The following SH3GL2 variants were observed in gnomAD, a reference collection of about 807,000 sequenced individuals.
The protein encoded by SH3GL2 is endophilin-A1.
In SH3GL2, 24 loss-of-function variants were observed where a neutral mutation model predicts 46.0. The observed-to-expected ratio is 0.52, with a 90% CI of 0.38 to 0.73. The LOEUF is 0.73. SH3GL2 is among the 30% of genes least tolerant of loss of function. The probability of loss-of-function intolerance (pLI) is 0.00; values close to 1 mark genes in which losing one functional copy is unlikely to be tolerated. For missense variants in SH3GL2, 413 were observed against 424.2 expected (o/e 0.97, Z 0.23); for synonymous variants, 196 against 147.1 (o/e 1.33, Z -2.40).
chr9:17,596,125 C>A (rs185625385), intron 1 of SH3GL2, among the ~76,000 whole-genome samples: 85 of 152,256 alleles, frequency 5.6e-4, no homozygotes, highest in Non-Finnish European at 3.5e-4. Flanking sequence ...TAGCCAAGTT[C>A]TAGAACTATA....
chr9:17,723,303 A>G (rs1821941601), intron 1 of SH3GL2, among the ~76,000 whole-genome samples: 1 of 152,164 alleles, frequency 6.6e-6, no homozygotes, highest in South Asian at 2.1e-4. Context: ...ATTTTCAGTT[A>G]AAAAATTAGA....
intron 1 of SH3GL2, among the ~76,000 whole-genome samples, chr9:17,607,518 A>G (rs1047523224): frequency 2.0e-5 from 3 of 152,184 alleles, no homozygotes; most frequent in African/African-American, 7.2e-5. Flanking sequence ...TTCAGGTCTT[A>G]TAATCTTACA....
At chr9:17,748,221 A>T (rs1822749190) in intron 2 of SH3GL2, among the ~76,000 whole-genome samples, 1 of 152,144 alleles carries the variant, frequency 6.6e-6, no homozygotes, top group South Asian at 2.1e-4. Context: ...TTATGATTAA[A>T]AGTGTGTGTT....
intron 1 of SH3GL2, among the ~76,000 whole-genome samples, chr9:17,614,462 G>A (rs1818941727): frequency 1.3e-5 from 2 of 151,974 alleles, no homozygotes; most frequent in South Asian, 4.2e-4. Context: ...CTGTGGACTG[G>A]CCCACTAAAG....
At chr9:17,748,990 C>G (rs113154103) in intron 2 of SH3GL2, among the ~76,000 whole-genome samples, 6 of 152,136 alleles carry the variant, frequency 3.9e-5, no homozygotes, top group African/African-American at 1.2e-4. Flanking sequence ...TAGTATTGAT[C>G]CAGCTGGTCA....
intron 8 of SH3GL2, 103 bp downstream of exon 8, chr9:17,793,600 T>A (rs1181690451): frequency 1.8e-6 from 2 of 1,091,116 alleles, no homozygotes; most frequent in Non-Finnish European, 2.7e-6. Flanking sequence ...ATAGGAAATA[T>A]GCAGTAATAC....
intron 1 of SH3GL2, among the ~76,000 whole-genome samples, chr9:17,682,786 A>G (rs1588235399): frequency 6.6e-6 from 1 of 152,122 alleles, no homozygotes; most frequent in East Asian, 1.9e-4. Flanking sequence ...GTAGCATTTT[A>G]ACTAGCATCC....
intron 2 of SH3GL2, among the ~76,000 whole-genome samples, chr9:17,759,354 T>A (rs1030389016): frequency 3.9e-5 from 6 of 152,202 alleles, no homozygotes; most frequent in African/African-American, 1.2e-4. Flanking sequence ...TGATGCTGTT[T>A]CACCGGCTAC....
rs118134374 is a variant in SH3GL2, at chr9:17,606,891, G to A, written c.45+27604G>A. ...GTGAAGTGGCAATTTAGAAATAGAC[G>A]GTCAGCAGTAGAAAGTAAGACCCCA... On this transcript the variant is annotated intron_variant, in intron 1 of 8. Transcript: ENST00000380607. 8.5e-5 allele frequency among the ~76,000 whole-genome samples: 13 copies of A among 152,252 alleles called. No homozygotes were observed. In the East Asian group the frequency reaches 2.5e-3, roughly 29 times the overall value.
intron 1 of SH3GL2, among the ~76,000 whole-genome samples, chr9:17,695,199 G>C (rs1280612390): frequency 1.3e-5 from 2 of 152,010 alleles, no homozygotes; most frequent in East Asian, 3.9e-4. Context: ...GTTTATTGGT[G>C]TCTTGTAGCA....
chr9:17,701,153 C>G (rs1383771768), intron 1 of SH3GL2, among the ~76,000 whole-genome samples: 1 of 152,130 alleles, frequency 6.6e-6, no homozygotes, highest in Admixed American at 6.5e-5. Flanking sequence ...GAGAATCCTC[C>G]CTCTGGTTTC....
chr9:17,736,685 A>C (rs145813138), intron 1 of SH3GL2, among the ~76,000 whole-genome samples: 1 of 152,120 alleles, frequency 6.6e-6, no homozygotes, highest in African/African-American at 2.4e-5. Context: ...TCTCAAATAC[A>C]TTCAGATATC....
chr9:17,638,159 A>AAAAAAAAAC (rs1554633289), intron 1 of SH3GL2, among the ~76,000 whole-genome samples: 4 of 151,750 alleles, frequency 2.6e-5, no homozygotes, highest in African/African-American at 9.7e-5. Context: ...TCCCTCTCAA[A>AAAAAAAAAC]AAAAAAACAA....
At chr9:17,750,083 C>T (rs1392998946) in intron 2 of SH3GL2, among the ~76,000 whole-genome samples, 1 of 152,076 alleles carries the variant, frequency 6.6e-6, no homozygotes, top group Non-Finnish European at 1.5e-5. Flanking sequence ...AAATTTTGCA[C>T]CCTCCACTCA....
At chr9:17,725,872 A>C (rs1369055971) in intron 1 of SH3GL2, among the ~76,000 whole-genome samples, 2 of 152,078 alleles carry the variant, frequency 1.3e-5, no homozygotes, top group Non-Finnish European at 2.9e-5. Context: ...TTTCAGGTGA[A>C]ACTCTAGCCC....
chr9:17,613,932 C>A (rs910556461), intron 1 of SH3GL2, among the ~76,000 whole-genome samples: 2 of 152,150 alleles, frequency 1.3e-5, no homozygotes, highest in Non-Finnish European at 2.9e-5. Context: ...CCTGGTAAAT[C>A]AAATGAATGA....
chr9:17,738,726 C>A (rs1345772349), intron 1 of SH3GL2, among the ~76,000 whole-genome samples: 1 of 149,228 alleles, frequency 6.7e-6, no homozygotes, highest in Admixed American at 6.7e-5. Flanking sequence ...CAAGTCAGAA[C>A]TTTGCAGGTC....
chr9:17,752,741 G>T (rs1015770278), intron 2 of SH3GL2, among the ~76,000 whole-genome samples: 1 of 152,028 alleles, frequency 6.6e-6, no homozygotes, highest in African/African-American at 2.4e-5. Flanking sequence ...AGGGGTACAC[G>T]TGCACGTTTG....
At chr9:17,693,593 A>G (rs1272113950) in intron 1 of SH3GL2, among the ~76,000 whole-genome samples, 2 of 152,188 alleles carry the variant, frequency 1.3e-5, no homozygotes, top group Non-Finnish European at 2.9e-5. Flanking sequence ...TATAAAAAGA[A>G]AGGCTGCCTT....
Sources: gnomAD v4.1 joint callset for allele counts (sites outside exome capture counted in the v4.1 genomes callset) on GRCh38, gnomAD v4.1.1 for gene constraint, MANE v1.5 for transcripts, NCBI Gene and HGNC (gene_info 2026-07-23, HGNC 2026-07-21) for gene names.